PRKG1: variants seen among roughly 807,000 people sequenced by gnomAD.
PRKG1 encodes protein kinase cGMP-dependent 1, also known as cGMP-dependent protein kinase 1.
A neutral mutation model predicts 88.1 loss-of-function variants in PRKG1; 35 were observed. That is an observed-to-expected ratio of 0.40 (90% CI 0.30 to 0.53). PRKG1 has a LOEUF of 0.53. PRKG1 is among the 20% of genes least tolerant of loss of function. The pLI, the probability that PRKG1 is intolerant of heterozygous loss-of-function variation, is 0.59. For synonymous variants in PRKG1, 303 were observed against 292.5 expected, an observed-to-expected ratio of 1.04 and a Z score of -0.37; for missense variants, 540 against 839.8, an observed-to-expected ratio of 0.64 and a Z score of 4.41.
intron 5 of PRKG1, among the ~76,000 whole-genome samples, chr10:52,038,419 G>C (rs1845671716): frequency 6.6e-6 from 1 of 151,742 alleles, no homozygotes; most frequent in Admixed American, 6.6e-5. Flanking sequence ...GAAATAAGGG[G>C]TCGAGCATGG....
intron 2 of PRKG1, among the ~76,000 whole-genome samples, chr10:51,441,256 G>T (rs1170181020): frequency 1.3e-5 from 2 of 151,950 alleles, no homozygotes; most frequent in African/African-American, 4.8e-5. Flanking sequence ...TGTTTAGTCA[G>T]TTTTGCTCTT....
At chr10:51,636,606 TATTTCA>T (rs1474384953) in intron 3 of PRKG1, among the ~76,000 whole-genome samples, 2 of 152,138 alleles carry the variant, frequency 1.3e-5, no homozygotes, top group Non-Finnish European at 2.9e-5. Flanking sequence ...GTGATTTGGA[TATTTCA>T]CATGGAATGA....
intron 2 of PRKG1, among the ~76,000 whole-genome samples, chr10:51,187,819 A>T (rs1040254288): frequency 1.3e-5 from 2 of 151,994 alleles, no homozygotes; most frequent in African/African-American, 4.8e-5. Context: ...TTATGAAAAG[A>T]TTATTTTTTT....
rs541206107 is a variant in PRKG1, at chr10:51,978,583, C to T, written c.762+71013C>T. ...GCCATTTTCATCCTATTGATTCTTC[C>T]TATCCATAAGCATGGAATGTTTTTC... On this transcript the variant is annotated intron_variant, in intron 5 of 17. Transcript: ENST00000373980. 2.6e-5 allele frequency among the ~76,000 whole-genome samples: 4 copies of T among 152,108 alleles called. No individual in the cohort carries two copies. The East Asian group carries it at 5.8e-4, about 22-fold the overall frequency.
chr10:51,602,040 C>T (rs76592981), intron 3 of PRKG1, among the ~76,000 whole-genome samples: 2 of 151,882 alleles, frequency 1.3e-5, no homozygotes, highest in Non-Finnish European at 1.5e-5. Flanking sequence ...CATGTCTCTT[C>T]GGCCCTTGTA....
At chr10:51,005,128 G>C (rs979757516) in intron 1 of PRKG1, among the ~76,000 whole-genome samples, 1 of 152,174 alleles carries the variant, frequency 6.6e-6, no homozygotes, top group East Asian at 1.9e-4. Flanking sequence ...CATTTATTTG[G>C]ATCAGAATTC....
At chr10:52,291,117 T>A (rs1015171255) in intron 17 of PRKG1, among the ~76,000 whole-genome samples, 1 of 151,788 alleles carries the variant, frequency 6.6e-6, no homozygotes, top group Non-Finnish European at 1.5e-5. Context: ...GAGACACAGT[T>A]TCACCATGTT....
chr10:52,136,844 C>T (rs1048614186), intron 8 of PRKG1, among the ~76,000 whole-genome samples: 13 of 152,070 alleles, frequency 8.5e-5, no homozygotes, highest in Admixed American at 3.3e-4. Context: ...GGGTTATATA[C>T]GGAGAAGAAA....
chr10:51,530,475 A>G (rs1048695205), intron 3 of PRKG1, among the ~76,000 whole-genome samples: 1 of 152,180 alleles, frequency 6.6e-6, no homozygotes, highest in African/African-American at 2.4e-5. Context: ...CTTTGTCTCA[A>G]GCACCTACCT....
At chr10:51,199,167 A>G (rs1397893223) in intron 2 of PRKG1, among the ~76,000 whole-genome samples, 1 of 152,228 alleles carries the variant, frequency 6.6e-6, no homozygotes, top group Admixed American at 6.5e-5. Context: ...TACACATGTT[A>G]TCAGTCTGAA....
At chr10:52,266,391 C>T (rs1470779679) in intron 10 of PRKG1, among the ~76,000 whole-genome samples, 1 of 151,788 alleles carries the variant, frequency 6.6e-6, no homozygotes, top group Non-Finnish European at 1.5e-5. Context: ...CCCCGACAGA[C>T]CCCAGTGTGT....
intron 5 of PRKG1, among the ~76,000 whole-genome samples, chr10:51,980,350 G>T (rs1038445718): frequency 1.3e-5 from 2 of 152,098 alleles, no homozygotes; most frequent in African/African-American, 4.8e-5. Flanking sequence ...AAGAATAGTT[G>T]TTATGATTTC....
chr10:51,711,600 G>C (rs1263782459), intron 3 of PRKG1, among the ~76,000 whole-genome samples: 1 of 152,102 alleles, frequency 6.6e-6, no homozygotes, highest in Non-Finnish European at 1.5e-5. Flanking sequence ...AAGTTGTCTT[G>C]CCTTTAGTTC....
At chr10:51,215,149 C>A (rs1233757677) in intron 2 of PRKG1, among the ~76,000 whole-genome samples, 2 of 151,994 alleles carry the variant, frequency 1.3e-5, no homozygotes, top group Non-Finnish European at 2.9e-5. Flanking sequence ...TAGACTGATC[C>A]CAGGAGGGAA....
chr10:51,612,575 G>A (rs540311600), intron 3 of PRKG1, among the ~76,000 whole-genome samples: 1 of 151,918 alleles, frequency 6.6e-6, no homozygotes, highest in Non-Finnish European at 1.5e-5. Flanking sequence ...TGTAAAGAGG[G>A]ACAATTTGAC....
At chr10:52,291,368 T>A (rs1316380130) in intron 17 of PRKG1, among the ~76,000 whole-genome samples, 1 of 151,142 alleles carries the variant, frequency 6.6e-6, no homozygotes, top group Non-Finnish European at 1.5e-5. Flanking sequence ...ACTTGTCATT[T>A]AGCATTAGGT....
intron 2 of PRKG1, among the ~76,000 whole-genome samples, chr10:51,198,858 T>C (rs1217299570): frequency 6.6e-6 from 1 of 152,204 alleles, no homozygotes; most frequent in African/African-American, 2.4e-5. Flanking sequence ...TAAGATTTAG[T>C]TATCCGTAGA....
At chr10:51,123,258 C>A (rs1341985063) in intron 1 of PRKG1, among the ~76,000 whole-genome samples, 1 of 152,116 alleles carries the variant, frequency 6.6e-6, no homozygotes, top group Non-Finnish European at 1.5e-5. Flanking sequence ...TCTTAATTAA[C>A]CTCGTTCTTT....
At chr10:51,763,731 G>C (rs1436272913) in intron 3 of PRKG1, among the ~76,000 whole-genome samples, 1 of 151,932 alleles carries the variant, frequency 6.6e-6, no homozygotes, top group East Asian at 1.9e-4. Flanking sequence ...CCTGAAACTG[G>C]ATAATTTAGA....
Sources: allele counts gnomAD v4.1 joint callset (sites outside exome capture counted in the v4.1 genomes callset), GRCh38; gene constraint gnomAD v4.1.1; transcripts MANE v1.5; gene names NCBI Gene and HGNC (gene_info 2026-07-23, HGNC 2026-07-21).